The following RAD9A variants were observed in gnomAD, a reference collection of about 807,000 sequenced individuals.
The protein encoded by RAD9A is RAD9 checkpoint clamp component A.
In RAD9A, 25 loss-of-function variants were observed where a neutral mutation model predicts 41.2. That is an observed-to-expected ratio of 0.61 (90% CI 0.44 to 0.85). RAD9A has a LOEUF of 0.85. Among genes scored for constraint, RAD9A ranks in the 40% least tolerant of loss-of-function variants. The pLI is 0.00. For missense variants in RAD9A, 514 were observed against 518.3 expected (o/e 0.99, Z 0.08); for synonymous variants, 252 against 210.6 (o/e 1.20, Z -1.70).
chr11:67,395,890 T>G, intron 6 of RAD9A, 22 bp from the exon 7 acceptor site: 3 of 1,613,584 alleles, frequency 1.9e-6, no homozygotes, highest in Non-Finnish European at 2.5e-6. Flanking sequence ...GGGCCCAGGT[T>G]ACTCCTGTTC....
rs775354819 is a variant in RAD9A at position 67,392,007 on chromosome 11, C to T, written c.-38C>T. 3 of 1,544,342 alleles carry T rather than the reference C, an allele frequency of 1.9e-6. No homozygotes were observed. The highest frequency in any genetic ancestry group is 2.4e-5 in the South Asian group (2 of 84,184). On this transcript the variant is annotated 5_prime_UTR_variant, in exon 1 of 11. Coordinates refer to ENST00000307980, the MANE Select transcript of RAD9A (RefSeq NM_004584.3). The stretch of plus-strand genomic sequence containing the variant: ...CCCCGGACCCGGAGGTCGCGGAGAG[C>T]TGGGCAGTGTTGGCCGCTGGCGGAG...
intron 9 of RAD9A, 92 bp from the exon 10 acceptor site, chr11:67,397,087 C>CG: frequency 1.1e-6 from 1 of 910,010 alleles, no homozygotes; most frequent in Non-Finnish European, 1.7e-6. Context: ...CTCCAGTGGT[C>CG]GGGGGCCCCA....
rs763566902 is a variant in RAD9A at position 67,397,206 on chromosome 11, TGAC to T, written c.904_906del (p.Asp302del). On this transcript the variant is annotated inframe_deletion, in exon 10 of 11. Transcript: ENST00000307980. ...CACCCCACCCGGACGACTTTGCCAA[TGAC>T]GACATTGACTCTTACATGATCGCCA... 3.7e-6 allele frequency: 6 copies of T among 1,613,690 alleles called. No individual in the cohort carries two copies. The African/African-American group carries it at 6.7e-5, about 18-fold the overall frequency.
rs1862547436 is a variant in RAD9A, at chr11:67,392,219, C to T, written c.93C>T (p.Pro31=). Residue 31 remains proline (P), a synonymous_variant, in exon 2 of 11, where the codon CCC becomes CCT. Transcript: ENST00000307980. ...SRIGDELYLE[P]LEDGLSLRTV... Reference sequence around the variant, plus strand: ...TCGGGGACGAGCTCTACCTGGAACCCTTGGAGGACGGGGTGAGGGGCTAGG... The same window carrying T: ...TCGGGGACGAGCTCTACCTGGAACCTTTGGAGGACGGGGTGAGGGGCTAGG... 1.8e-6 allele frequency: 2 copies of T among 1,084,054 alleles called. No homozygotes were observed. Among genetic ancestry groups the T allele is most frequent in the Admixed American group, 2.0e-5 (1 of 50,764 alleles). 67.2% of individuals were successfully genotyped at this position (1,084,054 alleles called of 1,614,324 possible).
intron 5 of RAD9A, among the ~76,000 whole-genome samples, chr11:67,394,853 T>C (rs17882925): frequency 0.024 from 3,618 of 151,972 alleles, 149 homozygotes; most frequent in African/African-American, 0.083. Context: ...CGACCTCAGG[T>C]GATCTGCCCG....
Position 67,395,770 on chromosome 11 carries a change from G to A in RAD9A, c.504G>A (p.Leu168=), listed in dbSNP as rs779641293. ...PFSPALAEVT[L]GIGRGRRVIL... The stretch of plus-strand genomic sequence containing the variant: ...CTCCTGCACTGGCTGAAGTGACGCT[G>A]GGCATTGGCCGTGGCCGCAGGGTCA... The change falls in exon 6 of 11, where the codon CTG becomes CTA. Residue 168 remains leucine (L), a synonymous_variant. Coordinates refer to ENST00000307980, the MANE Select transcript of RAD9A (RefSeq NM_004584.3). The A allele has an allele frequency of 3.1e-6, 5 of 1,613,704 alleles. No homozygotes were observed. The highest frequency in any genetic ancestry group is 4.2e-6 in the Non-Finnish European group (5 of 1,179,922).
intron 5 of RAD9A, among the ~76,000 whole-genome samples, chr11:67,394,218 G>A (rs1350922783): frequency 6.6e-6 from 1 of 152,238 alleles, no homozygotes; most frequent in African/African-American, 2.4e-5. Context: ...TTCCAGAGGT[G>A]TTCCCCATTC....
At chr11:67,396,439 C>T (rs1416405514) in intron 9 of RAD9A, 39 bp downstream of exon 9, 4 of 1,604,964 alleles carry the variant, frequency 2.5e-6, no homozygotes, top group Non-Finnish European at 2.6e-6. Context: ...CTCTCCATGT[C>T]TGTGCACTCC....
In RAD9A at chr11:67,398,137, G is replaced by T; in HGVS notation, c.*578G>T. The T allele has an allele frequency of 4.0e-6, 1 of 253,090 alleles. No individual in the cohort carries two copies. The highest frequency in any genetic ancestry group is 5.2e-5 in the South Asian group (1 of 19,100). 15.7% of individuals were successfully genotyped at this position (253,090 alleles called of 1,614,324 possible). On this transcript the variant is annotated 3_prime_UTR_variant, in exon 11 of 11. Transcript: ENST00000307980. ...CGAGACTCCCAAGCGGCTCTGTGCA[G>T]AAGAGCTGCCAGGCAGTGTCTTAGA...
rs1205000573 is a variant in RAD9A at position 67,392,245 on chromosome 11, G to A, written c.105+14G>A. ...TTGGAGGACGGGGTGAGGGGCTAGG[G>A]TGTGGGGGGCGGGTGGGACTCCAGC... On this transcript the variant is annotated intron_variant, in intron 2 of 10. Coordinates refer to ENST00000307980, the MANE Select transcript of RAD9A (RefSeq NM_004584.3). 5.2e-6 allele frequency: 7 copies of A among 1,334,556 alleles called. No homozygotes were observed. The highest frequency in any genetic ancestry group is 4.3e-5 in the African/African-American group (3 of 69,310). 82.7% of individuals were successfully genotyped at this position (1,334,556 alleles called of 1,614,324 possible).
chr11:67,397,093 C>T, intron 9 of RAD9A, 86 bp from the exon 10 acceptor site: 2 of 1,033,924 alleles, frequency 1.9e-6, no homozygotes, highest in South Asian at 1.4e-5. Flanking sequence ...TGGTCGGGGG[C>T]CCCAGAGCTC....
chr11:67,395,435 A>C, intron 5 of RAD9A: 1 of 473,350 alleles, frequency 2.1e-6, no homozygotes, highest in Non-Finnish European at 3.7e-6. Flanking sequence ...GAGGATAAGG[A>C]TTTCAGGGCT....
chr11:67,395,951 G>A lies in RAD9A; in HGVS notation c.599G>A (p.Gly200Glu), dbSNP rs1375587444. The change falls in exon 7 of 11, where the codon GGA becomes GAA. Residue 200 changes from glycine to glutamate, a missense_variant. Physicochemically the swap from Gly to Glu is moderately conservative, Grantham distance 98. Transcript: ENST00000307980. ...AKAMVTEMCLGEEDFQQLQAQ... is the reference protein window; with the variant it reads ...AKAMVTEMCLEEEDFQQLQAQ... ...GCCATGGTGACTGAGATGTGCCTTGGAGAGGAGGATTTCCAGCAGCTGCAG... is the reference window on the plus strand; with the variant it reads ...GCCATGGTGACTGAGATGTGCCTTGAAGAGGAGGATTTCCAGCAGCTGCAG... 2.5e-6 allele frequency: 4 copies of A among 1,614,046 alleles called. No individual in the cohort carries two copies. The highest frequency in any genetic ancestry group is 1.7e-5 in the Admixed American group (1 of 60,010).
At chr11:67,393,316 G>A (rs895144437) in intron 3 of RAD9A, 180 bp from the exon 4 acceptor site, 4 of 1,340,808 alleles carry the variant, frequency 3.0e-6, no homozygotes, top group Admixed American at 3.3e-5. Flanking sequence ...GGTCTTTCAA[G>A]GCATTCCAAG....
intron 2 of RAD9A, 28 bp downstream of exon 2, chr11:67,392,259 T>TGGGGGGGGGGGGG (rs2134938873): frequency 2.7e-5 from 13 of 484,244 alleles, no homozygotes; most frequent in East Asian, 1.0e-4. Context: ...GGGGGGCGGG[T>TGGGGGGGGGGGGG]GGGACTCCAG....
At chr11:67,393,348 G>A (rs1862587093) in intron 3 of RAD9A, 148 bp from the exon 4 acceptor site, 2 of 1,437,290 alleles carry the variant, frequency 1.4e-6, no homozygotes, top group South Asian at 2.9e-5. Context: ...GCATGAATGA[G>A]GCCTAGAAGG....
Position 67,396,583 on chromosome 11 carries a change from G to A in RAD9A, c.872+183G>A, listed in dbSNP as rs529365425. ...CCAGCCCTGCAGACTCAGCCTTCTC[G>A]GTTAGCTGTACTCAGAGACCCCTCC... On this transcript the variant is annotated intron_variant, in intron 9 of 10. Transcript: ENST00000307980. 7.9e-5 allele frequency among the ~76,000 whole-genome samples: 12 copies of A among 152,236 alleles called. No individual in the cohort carries two copies. The East Asian group carries it at 2.3e-3, about 29-fold the overall frequency.
At position 67,396,260 on chromosome 11, in the gene RAD9A, C is replaced by T. The variant is rs1379110273; in HGVS notation, c.735-3C>T. The T allele has an allele frequency of 1.9e-6, 3 of 1,614,070 alleles. No homozygotes were observed. In the South Asian group the frequency reaches 3.3e-5, roughly 18 times the overall value. On this transcript the variant is annotated splice_region_variant and splice_polypyrimidine_tract_variant and intron_variant, in intron 8 of 10. Transcript: ENST00000307980. ...CCTAGCTTGGGCCCCCTCCCCTGCC[C>T]AGGCCCGCCATCTTCACCATCAAGG...
rs872110 is a variant in RAD9A at position 67,397,320 on chromosome 11, T to A, written c.1014T>A (p.Gly338=). Residue 338 remains glycine (G), a synonymous_variant, in exon 10 of 11, where the codon GGT becomes GGA. Coordinates refer to ENST00000307980, the MANE Select transcript of RAD9A (RefSeq NM_004584.3). ...SPGPQPPKSP[G]PHSEEEDEAE... ...GCCCCCAGCCCCCCAAGAGCCCCGG[T>A]CCCCACTCCGAGGAGGAAGATGAGG... The A allele has an allele frequency of 6.5e-7, 1 of 1,538,872 alleles. No individual in the cohort carries two copies. The highest frequency in any genetic ancestry group is 1.8e-5 in the Admixed American group (1 of 55,718).
Sources: gnomAD v4.1 joint callset for allele counts (sites outside exome capture counted in the v4.1 genomes callset) on GRCh38, gnomAD v4.1.1 for gene constraint, MANE v1.5 for transcripts, NCBI Gene and HGNC (gene_info 2026-07-23, HGNC 2026-07-21) for gene names.